The following PPP6R3 variants were observed in gnomAD, a reference collection of about 807,000 sequenced individuals.
PPP6R3 encodes the protein serine/threonine-protein phosphatase 6 regulatory subunit 3.
In PPP6R3, 38 loss-of-function variants were observed where a neutral mutation model predicts 110.7. The ratio of observed to expected loss-of-function variants is 0.34; its 90% confidence interval spans 0.26 to 0.45. PPP6R3 has a LOEUF of 0.45. PPP6R3 is among the 20% of genes least tolerant of loss of function. The pLI, the probability that PPP6R3 is intolerant of heterozygous loss-of-function variation, is 1.00. For synonymous variants in PPP6R3, 369 were observed against 373.5 expected, an observed-to-expected ratio of 0.99 and a Z score of 0.14; for missense variants, 870 against 1,062.4, an observed-to-expected ratio of 0.82 and a Z score of 2.52.
At chr11:68,558,973 T>A (rs541760808) in intron 8 of PPP6R3, among the ~76,000 whole-genome samples, 2 of 152,220 alleles carry the variant, frequency 1.3e-5, no homozygotes, top group Admixed American at 6.5e-5. Flanking sequence ...ATCAAAAACA[T>A]GTATAATGGC....
At chr11:68,480,375 T>C (rs2098897481) in intron 1 of PPP6R3, among the ~76,000 whole-genome samples, 1 of 152,260 alleles carries the variant, frequency 6.6e-6, no homozygotes, top group Admixed American at 6.5e-5. Context: ...TCAGCAAATA[T>C]TTATTGAGCT....
chr11:68,600,027 C>T (rs1257174300), intron 19 of PPP6R3, among the ~76,000 whole-genome samples: 2 of 152,170 alleles, frequency 1.3e-5, no homozygotes, highest in East Asian at 1.9e-4. Context: ...GAGGCTGAGG[C>T]AGGAGAATGG....
At chr11:68,505,935 C>T (rs960336635) in intron 1 of PPP6R3, among the ~76,000 whole-genome samples, 3 of 152,118 alleles carry the variant, frequency 2.0e-5, no homozygotes, top group Non-Finnish European at 4.4e-5. Context: ...ACTCTTGGAG[C>T]TTGGGATAGT....
At chr11:68,489,946 A>G (rs1257642826) in intron 1 of PPP6R3, among the ~76,000 whole-genome samples, 2 of 152,158 alleles carry the variant, frequency 1.3e-5, no homozygotes, top group Non-Finnish European at 2.9e-5. Flanking sequence ...AGCACGCATA[A>G]ATACATAAGG....
intron 13 of PPP6R3, among the ~76,000 whole-genome samples, chr11:68,574,522 T>C (rs1163086386): frequency 6.6e-6 from 1 of 152,232 alleles, no homozygotes; most frequent in African/African-American, 2.4e-5. Context: ...ATCATGCTTT[T>C]GAGTATTGTG....
At chr11:68,540,517 T>C (rs918256679) in intron 3 of PPP6R3, among the ~76,000 whole-genome samples, 4 of 151,950 alleles carry the variant, frequency 2.6e-5, no homozygotes, top group Non-Finnish European at 4.4e-5. Context: ...GCTAATGAAG[T>C]TTTGGGCACC....
At chr11:68,474,893 T>G (rs2098816942) in intron 1 of PPP6R3, among the ~76,000 whole-genome samples, 1 of 152,164 alleles carries the variant, frequency 6.6e-6, no homozygotes, top group South Asian at 2.1e-4. Context: ...ATCACTAATA[T>G]TTAACTTCCT....
chr11:68,515,772 A>G (rs1271390591), intron 1 of PPP6R3, among the ~76,000 whole-genome samples: 1 of 152,188 alleles, frequency 6.6e-6, no homozygotes, highest in Non-Finnish European at 1.5e-5. Context: ...CTTTCTCCAA[A>G]TATAACCATG....
chr11:68,490,392 G>C (rs1023236998), intron 1 of PPP6R3, among the ~76,000 whole-genome samples: 6 of 151,818 alleles, frequency 4.0e-5, no homozygotes, highest in African/African-American at 7.3e-5. Context: ...ATTTGACTAT[G>C]ATATTGCTCA....
chr11:68,471,230 G>A (rs2098789476), intron 1 of PPP6R3, among the ~76,000 whole-genome samples: 2 of 150,212 alleles, frequency 1.3e-5, no homozygotes, highest in Admixed American at 1.3e-4. Context: ...TTTGCAGTGA[G>A]CTGAGATCGC....
chr11:68,582,474 A>T (rs1314641316), intron 14 of PPP6R3, among the ~76,000 whole-genome samples: 1 of 152,216 alleles, frequency 6.6e-6, no homozygotes, highest in Non-Finnish European at 1.5e-5. Context: ...CACATTTTCA[A>T]GGGTAGATGA....
In PPP6R3 at chr11:68,614,122, A is replaced by G. The variant is rs1944712771; in HGVS notation, c.*1005A>G. ...TGGAATTAGAGTGCGTTCATTTTACAGGCTAGTATTTTAAAAGTAGAAATC... is the reference window on the plus strand; with the variant it reads ...TGGAATTAGAGTGCGTTCATTTTACGGGCTAGTATTTTAAAAGTAGAAATC... On this transcript the variant is annotated 3_prime_UTR_variant, in exon 24 of 24. Transcript: ENST00000393800. 1 of 986,290 alleles carries G rather than the reference A, an allele frequency of 1.0e-6. No individual in the cohort carries two copies. The highest frequency in any genetic ancestry group is 6.1e-5 in the Admixed American group (1 of 16,294). 61.1% of individuals were successfully genotyped at this position (986,290 alleles called of 1,614,324 possible).
intron 1 of PPP6R3, among the ~76,000 whole-genome samples, chr11:68,510,285 G>T (rs1474117135): frequency 1.3e-5 from 2 of 152,016 alleles, no homozygotes; most frequent in Non-Finnish European, 2.9e-5. Flanking sequence ...TGTGTGACCT[G>T]ATATTACAGC....
At chr11:68,473,322 G>A (rs1216897748) in intron 1 of PPP6R3, among the ~76,000 whole-genome samples, 1 of 152,206 alleles carries the variant, frequency 6.6e-6, no homozygotes, top group African/African-American at 2.4e-5. Context: ...GAAAGACTGG[G>A]TTCTAGAAAC....
At chr11:68,606,330 TTTC>T (rs1214946631) in intron 22 of PPP6R3, among the ~76,000 whole-genome samples, 1 of 152,038 alleles carries the variant, frequency 6.6e-6, no homozygotes, top group Non-Finnish European at 1.5e-5. Context: ...TTCTTTCTTC[TTTC>T]TTCTTCAAGA....
At chr11:68,512,538 C>T (rs200897912) in intron 1 of PPP6R3, among the ~76,000 whole-genome samples, 3 of 152,156 alleles carry the variant, frequency 2.0e-5, no homozygotes, top group Non-Finnish European at 2.9e-5. Flanking sequence ...TTTGGTTGTG[C>T]GTAGGATAGT....
chr11:68,502,808 G>T (rs2099055086), intron 1 of PPP6R3, among the ~76,000 whole-genome samples: 1 of 152,204 alleles, frequency 6.6e-6, no homozygotes, highest in Admixed American at 6.5e-5. Flanking sequence ...CTCCATTTTG[G>T]AGATTAAATA....
intron 3 of PPP6R3, among the ~76,000 whole-genome samples, chr11:68,539,357 A>C (rs2099295396): frequency 1.3e-5 from 2 of 152,232 alleles, no homozygotes; most frequent in Admixed American, 1.3e-4. Flanking sequence ...GCCTTCTATG[A>C]AGGGCTTACT....
At chr11:68,569,023 G>T (rs374773842) in intron 10 of PPP6R3, among the ~76,000 whole-genome samples, 57 of 152,236 alleles carry the variant, frequency 3.7e-4, no homozygotes, top group African/African-American at 1.3e-3. Flanking sequence ...GCCTCCCAGA[G>T]TGCAGAGATT....
Sources: gnomAD v4.1 joint callset for allele counts (sites outside exome capture counted in the v4.1 genomes callset) on GRCh38, gnomAD v4.1.1 for gene constraint, MANE v1.5 for transcripts, NCBI Gene and HGNC (gene_info 2026-07-23, HGNC 2026-07-21) for gene names.